GREB1: variants seen among roughly 807,000 people sequenced by gnomAD.
The protein encoded by GREB1 is growth regulating estrogen receptor binding 1, also known as protein GREB1.
GREB1 carries 106 observed loss-of-function variants against 200.7 expected under a neutral mutation model. The ratio of observed to expected loss-of-function variants is 0.53; its 90% CI spans 0.45 to 0.62. The LOEUF is 0.62. Ranked by LOEUF, GREB1 falls within the 20% of genes least tolerant of loss-of-function variation. GREB1 has a pLI of 0.00. For missense variants in GREB1, 2,243 were observed against 2,556.8 expected (o/e 0.88, Z 2.65); for synonymous variants, 1,132 against 1,092.4 (o/e 1.04, Z -0.72).
upstream of GREB1, among the ~76,000 whole-genome samples, chr2:11,530,945 C>T (rs765944096): frequency 5.1e-4 from 77 of 152,046 alleles, 1 homozygote; most frequent in South Asian, 1.0e-3. Flanking sequence ...GAGCAGACAC[C>T]GGCTCTCTCT....
At position 11,588,763 on chromosome 2, in the gene GREB1, T is replaced by A; in HGVS notation, c.1177T>A (p.Tyr393Asn). The change falls in exon 10 of 33, where the codon TAC becomes AAC. Residue 393 changes from tyrosine to asparagine, a missense_variant. Physicochemically the swap from Tyr to Asn is moderately radical, Grantham distance 143. Coordinates refer to ENST00000381486, the MANE Select transcript of GREB1 (RefSeq NM_014668.4). ...VIFKGHGNFP[Y>N]LCGNLNDVVV... ...CTCTGCAGGCCATGGGAACTTCCCT[T>A]ACCTCTGTGGGAACCTGAATGACGT... The A allele has an allele frequency of 6.2e-7, 1 of 1,614,178 alleles. No homozygotes were observed. Among genetic ancestry groups the A allele is most frequent in the African/African-American group, 1.3e-5 (1 of 75,046 alleles).
At chr2:11,528,856 A>G (rs1284270936) in intron 1 of GREB1, among the ~76,000 whole-genome samples, 1 of 152,236 alleles carries the variant, frequency 6.6e-6, no homozygotes, top group Non-Finnish European at 1.5e-5. Context: ...ATAAAGAATG[A>G]GCCCTTGGCA....
At chr2:11,522,536 A>G (rs1673737364) in intron 1 of GREB1, among the ~76,000 whole-genome samples, 1 of 152,154 alleles carries the variant, frequency 6.6e-6, no homozygotes, top group Non-Finnish European at 1.5e-5. Context: ...GCAGGAACCT[A>G]CAAATCATGG....
At position 11,618,333 on chromosome 2, in the gene GREB1, C is replaced by G; in HGVS notation, c.3458C>G (p.Pro1153Arg). Residue 1153 changes from proline (P) to arginine (R), a missense_variant, in exon 22 of 33, where the codon CCC (proline) becomes CGC (arginine). Coordinates refer to ENST00000381486, the MANE Select transcript of GREB1 (RefSeq NM_014668.4). Reference sequence around the variant, plus strand: ...TCCTCGGCTCAGCCCACAGCACTCCCCCAGGGAGAGCATGCCAGGTCGCCC... The same window carrying G: ...TCCTCGGCTCAGCCCACAGCACTCCGCCAGGGAGAGCATGCCAGGTCGCCC... ...GESSAQPTAL[P>R]QGEHARSPQP... 2.5e-6 allele frequency: 4 copies of G among 1,605,060 alleles called. No homozygotes were observed. The highest frequency in any genetic ancestry group is 3.4e-6 in the Non-Finnish European group (4 of 1,175,050).
At chr2:11,557,657 A>G (rs534610017) in intron 2 of GREB1, among the ~76,000 whole-genome samples, 1 of 152,268 alleles carries the variant, frequency 6.6e-6, no homozygotes, top group African/African-American at 2.4e-5. Flanking sequence ...AGCTTGTGTG[A>G]GATCTGATAG....
chr2:11,620,844 C>T (rs934799282), intron 22 of GREB1, 61 bp from the exon 23 acceptor site: 55 of 942,388 alleles, frequency 5.8e-5, no homozygotes, highest in African/African-American at 5.8e-4. Flanking sequence ...GGTGTTCAGC[C>T]GGTGCCTGGC....
upstream of GREB1, among the ~76,000 whole-genome samples, chr2:11,532,925 CT>C (rs529168231): frequency 1.7e-3 from 257 of 152,252 alleles, no homozygotes; most frequent in African/African-American, 5.8e-3. Flanking sequence ...TTCCAACAAC[CT>C]TATGATAGAG....
At chr2:11,631,810 C>A (rs989861216) in intron 26 of GREB1, 99 bp from the exon 27 acceptor site, 1 of 893,444 alleles carries the variant, frequency 1.1e-6, no homozygotes, top group South Asian at 1.5e-5. Flanking sequence ...TAGGCATGGT[C>A]ATCATTCTTT....
intron 1 of GREB1, among the ~76,000 whole-genome samples, chr2:11,491,236 T>C (rs920190077): frequency 3.3e-5 from 5 of 152,254 alleles, no homozygotes; most frequent in Non-Finnish European, 7.3e-5. Context: ...CTTAATAATT[T>C]CCTTGGCATG....
intron 9 of GREB1, chr2:11,587,922 C>T: frequency 1.0e-6 from 1 of 994,558 alleles, no homozygotes; most frequent in Non-Finnish European, 1.2e-6. Context: ...TGAGGGCTGT[C>T]CTCAGAATGA....
chr2:11,632,224 A>T, intron 27 of GREB1, 111 bp downstream of exon 27: 1 of 738,288 alleles, frequency 1.4e-6, no homozygotes, highest in Non-Finnish European at 2.3e-6. Flanking sequence ...TTACTTTTGG[A>T]CTTTTAAAGC....
intron 1 of GREB1, among the ~76,000 whole-genome samples, chr2:11,483,197 A>G (rs1015488736): frequency 1.3e-5 from 2 of 149,550 alleles, no homozygotes; most frequent in African/African-American, 2.5e-5. Flanking sequence ...GCGCGCGGGT[A>G]TAGGTGTGGG....
chr2:11,496,594 G>A (rs914995913), intron 1 of GREB1, among the ~76,000 whole-genome samples: 2 of 144,530 alleles, frequency 1.4e-5, no homozygotes, highest in Admixed American at 7.1e-5. Context: ...GTCACACAGC[G>A]TTATGGCAAG....
At chr2:11,588,403 G>C (rs766618961) in intron 9 of GREB1, 1 of 587,818 alleles carries the variant, frequency 1.7e-6, no homozygotes, top group Non-Finnish European at 2.6e-6. Flanking sequence ...CTGCCCACAA[G>C]GTGTCCCATT....
chr2:11,506,247 T>C (rs1673180508), intron 1 of GREB1, among the ~76,000 whole-genome samples: 1 of 152,184 alleles, frequency 6.6e-6, no homozygotes, highest in Non-Finnish European at 1.5e-5. Context: ...ATGCTGGAAT[T>C]TCCTGTCCTT....
chr2:11,620,517 G>C (rs1683915653), intron 22 of GREB1, among the ~76,000 whole-genome samples: 1 of 152,126 alleles, frequency 6.6e-6, no homozygotes, highest in South Asian at 2.1e-4. Flanking sequence ...CTTATACAAT[G>C]AATTTTGCTG....
At chr2:11,581,637 C>T (rs1679492082) in intron 7 of GREB1, among the ~76,000 whole-genome samples, 1 of 152,180 alleles carries the variant, frequency 6.6e-6, no homozygotes, top group Non-Finnish European at 1.5e-5. Context: ...GTGCTCTCCC[C>T]ACCATGCTCA....
In GREB1 at chr2:11,580,713, C is replaced by T; in HGVS notation, c.782C>T (p.Ser261Phe). ...LMGAQQAGPA[S>F]DHPSLNAAMG... Reference sequence around the variant, plus strand: ...TTCTATCTGTTTTCAGGACCAGCTTCTGATCACCCCTCACTAAACGCAGCA... The same window carrying T: ...TTCTATCTGTTTTCAGGACCAGCTTTTGATCACCCCTCACTAAACGCAGCA... The change falls in exon 7 of 33, where the codon TCT becomes TTT. Residue 261 changes from serine to phenylalanine, a missense_variant. Transcript: ENST00000381486. This position sits in a 1 kb window ranked among gnomAD's most constrained non-coding sequence, Gnocchi z 4.5. The T allele has an allele frequency of 1.9e-6, 3 of 1,611,032 alleles. No individual in the cohort carries two copies. The highest frequency in any genetic ancestry group is 2.5e-6 in the Non-Finnish European group (3 of 1,177,588).
At chr2:11,566,213 C>T (rs542099286) in intron 3 of GREB1, among the ~76,000 whole-genome samples, 1 of 152,184 alleles carries the variant, frequency 6.6e-6, no homozygotes, top group East Asian at 1.9e-4. Flanking sequence ...GATGGGGTTT[C>T]ACTACATTGG....
Sources: gnomAD v4.1 joint callset for allele counts (sites outside exome capture counted in the v4.1 genomes callset) on GRCh38, gnomAD v4.1.1 for gene constraint, Gnocchi (gnomAD v3.1) non-coding constraint, MANE v1.5 for transcripts, NCBI Gene and HGNC (gene_info 2026-07-23, HGNC 2026-07-21) for gene names.